Variants in GLT6D1 observed in about 807,000 individuals in gnomAD.
The protein encoded by GLT6D1 is glycosyltransferase 6 domain containing 1.
A neutral mutation model predicts 12.3 loss-of-function variants in GLT6D1; 9 were observed. The ratio of observed to expected loss-of-function variants is 0.73; its 90% CI spans 0.44 to 1.27. GLT6D1 has a LOEUF of 1.27. GLT6D1 is among the 50% of genes most tolerant of loss of function. The pLI is 0.00. For missense variants in GLT6D1, 335 were observed against 346.2 expected (o/e 0.97, Z 0.26); for synonymous variants, 128 against 132.3 (o/e 0.97, Z 0.23).
At chr9:135,626,959 T>C (rs1035274290) in intron 3 of GLT6D1, among the ~76,000 whole-genome samples, 1 of 152,224 alleles carries the variant, frequency 6.6e-6, no homozygotes, top group South Asian at 2.1e-4. Context: ...TGTCCATTCA[T>C]GATAAAAGCT....
chr9:135,624,724 C>CTTTT (rs72471205), intron 4 of GLT6D1, 54 bp from the exon 5 acceptor site: 440 of 565,412 alleles, frequency 7.8e-4, no homozygotes, highest in African/African-American at 3.3e-3. Context: ...TCTTTTCTTT[C>CTTTT]TTTTTTTTTT....
chr9:135,627,238 T>TA (rs1388459768), intron 3 of GLT6D1, among the ~76,000 whole-genome samples: 157 of 113,462 alleles, frequency 1.4e-3, no homozygotes, highest in African/African-American at 4.7e-3. Context: ...TAAGGAATCT[T>TA]AAAAAAAAAC....
intron 2 of GLT6D1, among the ~76,000 whole-genome samples, chr9:135,637,495 T>C (rs773961248): frequency 2.6e-5 from 4 of 152,030 alleles, no homozygotes; most frequent in Non-Finnish European, 4.4e-5. Flanking sequence ...TGTAACATTT[T>C]GCATTCCCAC....
chr9:135,626,295 C>G, intron 3 of GLT6D1, 89 bp from the exon 4 acceptor site: 1 of 1,396,612 alleles, frequency 7.2e-7, no homozygotes, highest in Non-Finnish European at 9.9e-7. Context: ...GCTTAGAGAG[C>G]ACCTAGTGCG....
At chr9:135,630,904 T>A (rs1294669756) in intron 3 of GLT6D1, among the ~76,000 whole-genome samples, 1 of 152,042 alleles carries the variant, frequency 6.6e-6, no homozygotes, top group African/African-American at 2.4e-5. Context: ...ACATCAAAAA[T>A]TTTAAATGTC....
At position 135,623,976 on chromosome 9, in the gene GLT6D1, T is replaced by C. The variant is rs1276510639; in HGVS notation, c.*121A>G. On this transcript the variant is annotated 3_prime_UTR_variant, in exon 5 of 5. Coordinates refer to ENST00000371763, the MANE Select transcript of GLT6D1 (RefSeq NM_182974.3). ...ATAAGAAATTGCCGTGATTCATTTA[T>C]TCGTCATAAACCTCATGGCGTAATT... is the stretch of plus-strand genomic sequence containing the variant. 1 of 658,686 alleles carries C rather than the reference T, an allele frequency of 1.5e-6. No individual in the cohort carries two copies. The highest frequency in any genetic ancestry group is 2.6e-6 in the Non-Finnish European group (1 of 382,132). The allele number at this position is 658,686 out of a possible 1,614,324, so 40.8% of individuals were successfully genotyped here.
chr9:135,625,941 C>A, intron 4 of GLT6D1, 128 bp downstream of exon 4: 1 of 1,048,776 alleles, frequency 9.5e-7, no homozygotes. Context: ...TTGTTTCTCC[C>A]CAGAAATCGT....
intron 4 of GLT6D1, 119 bp from the exon 5 acceptor site, chr9:135,624,789 G>A (rs905005995): frequency 3.2e-6 from 2 of 627,218 alleles, no homozygotes; most frequent in Non-Finnish European, 2.5e-6. Context: ...GAGTGCAGTG[G>A]CGTGATCTCG....
At chr9:135,633,609 A>G (rs1344784752) in intron 2 of GLT6D1, among the ~76,000 whole-genome samples, 1 of 152,158 alleles carries the variant, frequency 6.6e-6, no homozygotes, top group Non-Finnish European at 1.5e-5. Context: ...ACATCTCTTC[A>G]GTTTAAGATA....
chr9:135,636,157 C>A (rs1309805169), intron 2 of GLT6D1, among the ~76,000 whole-genome samples: 1 of 152,124 alleles, frequency 6.6e-6, no homozygotes, highest in Non-Finnish European at 1.5e-5. Flanking sequence ...GAGTTTGAGA[C>A]CAGCCTGGCC....
At chr9:135,638,445 A>G (rs1833825873) in intron 2 of GLT6D1, among the ~76,000 whole-genome samples, 1 of 152,214 alleles carries the variant, frequency 6.6e-6, no homozygotes, top group Admixed American at 6.5e-5. Flanking sequence ...ACAAAGATGG[A>G]ACCTTTAGTA....
intron 2 of GLT6D1, among the ~76,000 whole-genome samples, chr9:135,638,392 T>C (rs1437177577): frequency 6.6e-6 from 1 of 152,216 alleles, no homozygotes; most frequent in East Asian, 1.9e-4. Context: ...CATGCTTCTA[T>C]ATGCATAGAA....
chr9:135,640,386 T>C (rs143532360), upstream of GLT6D1, among the ~76,000 whole-genome samples: 1 of 152,308 alleles, frequency 6.6e-6, no homozygotes, highest in East Asian at 1.9e-4. Flanking sequence ...TGTTTCTTCT[T>C]ACTGTTTGTA....
intron 2 of GLT6D1, among the ~76,000 whole-genome samples, chr9:135,637,129 G>A (rs371336999): frequency 5.8e-4 from 88 of 152,046 alleles, no homozygotes; most frequent in African/African-American, 2.0e-3. Flanking sequence ...TGGGATTACA[G>A]GCATGAGCCA....
Position 135,635,739 on chromosome 9 carries a change from G to A in GLT6D1, c.71+3378C>T, listed in dbSNP as rs182200324. 2.6e-3 allele frequency among the ~76,000 whole-genome samples: 397 copies of A among 152,326 alleles called. 1 individual carries two copies. The highest frequency in any genetic ancestry group is 3.6e-3 in the Non-Finnish European group (245 of 68,036). ...CAAGGAAATAGACACTAACCTGTGC[G>A]TATTTCCACATATCTTTAAACACGT... On this transcript the variant is annotated intron_variant, in intron 2 of 4. Coordinates refer to ENST00000371763, the MANE Select transcript of GLT6D1 (RefSeq NM_182974.3).
chr9:135,627,708 G>A (rs1833552891), intron 3 of GLT6D1, among the ~76,000 whole-genome samples: 1 of 152,142 alleles, frequency 6.6e-6, no homozygotes, highest in African/African-American at 2.4e-5. Context: ...GGGTCATATG[G>A]TAATTCTATG....
At chr9:135,629,497 C>A (rs912875352) in intron 3 of GLT6D1, among the ~76,000 whole-genome samples, 1 of 152,060 alleles carries the variant, frequency 6.6e-6, no homozygotes, top group Non-Finnish European at 1.5e-5. Flanking sequence ...TGATTTCAAT[C>A]ATTTGAATTT....
chr9:135,636,283 G>A lies in GLT6D1; in HGVS notation c.71+2834C>T, dbSNP rs575594130. Among the ~76,000 whole-genome samples, 161 of 152,310 alleles carry A rather than the reference G, an allele frequency of 1.1e-3. 3 individuals are homozygous for A. The highest frequency in any genetic ancestry group is 4.4e-3 in the South Asian group (21 of 4,822). On this transcript the variant is annotated intron_variant, in intron 2 of 4. Transcript: ENST00000371763. ...GCAGGAGAATCGCTTGAACCAAGGA[G>A]GCAGAAGTTGTGGTGAGTTGAGATC...
chr9:135,630,493 G>A (rs923212970), intron 3 of GLT6D1, among the ~76,000 whole-genome samples: 8 of 151,810 alleles, frequency 5.3e-5, no homozygotes, highest in African/African-American at 1.9e-4. Context: ...GCCGAGGCAG[G>A]TGGATCACCT....
Sources: allele counts gnomAD v4.1 joint callset (sites outside exome capture counted in the v4.1 genomes callset), GRCh38; gene constraint gnomAD v4.1.1; transcripts MANE v1.5; gene names NCBI Gene and HGNC (gene_info 2026-07-23, HGNC 2026-07-21).